The following HK1 variants were observed in gnomAD, a reference collection of about 807,000 sequenced individuals.
HK1 encodes the protein hexokinase-1.
In HK1, 28 loss-of-function variants were observed where a neutral mutation model predicts 91.6. The ratio of observed to expected loss-of-function variants is 0.31; its 90% CI spans 0.23 to 0.42. The LOEUF (loss-of-function observed/expected upper bound fraction) is 0.42. HK1 is among the 10% of genes least tolerant of loss of function. HK1 has a pLI of 1.00. For missense variants in HK1, 770 were observed against 1,219.8 expected (o/e 0.63, Z 5.49); for synonymous variants, 430 against 468.1 (o/e 0.92, Z 1.05).
chr10:69,378,359 A>G (rs1839221334), intron 8 of HK1, among the ~76,000 whole-genome samples: 5 of 152,072 alleles, frequency 3.3e-5, no homozygotes, highest in Admixed American at 3.3e-4. Flanking sequence ...TGTTAGAGGC[A>G]TTCTCTAAAA....
intron 2 of HK1, among the ~76,000 whole-genome samples, chr10:69,344,298 G>A (rs1019933156): frequency 6.6e-6 from 1 of 152,214 alleles, no homozygotes; most frequent in African/African-American, 2.4e-5. Flanking sequence ...ACTTTAGAAA[G>A]TGTAGTGTTT....
intron 2 of HK1, among the ~76,000 whole-genome samples, chr10:69,347,439 A>AT (rs556840743): frequency 0.15 from 20,558 of 140,288 alleles, 1,547 homozygotes; most frequent in South Asian, 0.25. Context: ...TAGGAGACAG[A>AT]TTTTTTTTTT....
At chr10:69,273,433 G>T (rs986413721) in intron 1 of HK1, among the ~76,000 whole-genome samples, 1 of 152,138 alleles carries the variant, frequency 6.6e-6, no homozygotes, top group Non-Finnish European at 1.5e-5. Flanking sequence ...AGCCAGGATG[G>T]TCTCCATCTC....
In HK1 at chr10:69,355,228, G is replaced by A. The variant is rs142794956; in HGVS notation, c.227-4669G>A. Among the ~76,000 whole-genome samples, 639 of 152,242 alleles carry A rather than the reference G, an allele frequency of 4.2e-3. 4 individuals are homozygous for A. Among genetic ancestry groups the A allele is most frequent in the Non-Finnish European group, 6.7e-3 (454 of 68,014 alleles). The stretch of plus-strand genomic sequence containing the variant: ...CATTGTAAGTTCCAGAAATATAGCA[G>A]TGTGTCAGGGCTTATAGCTTGGTAG... On this transcript the variant is annotated intron_variant, in intron 2 of 17. Transcript: ENST00000359426.
intron 5 of HK1, among the ~76,000 whole-genome samples, chr10:69,310,486 A>C (rs1328161481): frequency 6.6e-6 from 1 of 151,374 alleles, no homozygotes; most frequent in Non-Finnish European, 1.5e-5. Context: ...ATTTTTGTTT[A>C]TATGTTTAAC....
At chr10:69,373,070 T>C (rs1850100028) in intron 7 of HK1, among the ~76,000 whole-genome samples, 1 of 152,210 alleles carries the variant, frequency 6.6e-6, no homozygotes, top group Non-Finnish European at 1.5e-5. Context: ...GGTTTCACCA[T>C]GTTAGCCAGG....
At chr10:69,341,731 C>G (rs1156666588) in intron 1 of HK1, among the ~76,000 whole-genome samples, 1 of 152,018 alleles carries the variant, frequency 6.6e-6, no homozygotes, top group African/African-American at 2.4e-5. Context: ...TCTAGAATTA[C>G]AGGTGTCAGC....
intron 1 of HK1, among the ~76,000 whole-genome samples, chr10:69,324,211 A>AT (rs1025660834): frequency 2.4e-4 from 36 of 152,168 alleles, no homozygotes; most frequent in Non-Finnish European, 4.7e-4. Flanking sequence ...AAAATGTTTG[A>AT]TTTTTTTATT....
At chr10:69,318,838 G>T, upstream of HK1, 5 of 1,379,954 alleles carry the variant, frequency 3.6e-6, no homozygotes, top group Non-Finnish European at 4.7e-6. Context: ...GGAGCCGGGG[G>T]AGGAGGAGGA....
At chr10:69,317,597 G>T (rs773518154), upstream of HK1, among the ~76,000 whole-genome samples, 1 of 152,138 alleles carries the variant, frequency 6.6e-6, no homozygotes, top group Non-Finnish European at 1.5e-5. Flanking sequence ...CTTGGTTGCA[G>T]GAAAGTGACC....
chr10:69,305,520 TA>T (rs1361245307), intron 5 of HK1, among the ~76,000 whole-genome samples: 2 of 148,740 alleles, frequency 1.3e-5, no homozygotes, highest in Non-Finnish European at 3.0e-5. Context: ...GTGGGCTGTG[TA>T]AAACCAAAGA....
rs528380336 is a variant in HK1, at chr10:69,381,168, A to T, written c.1265+1073A>T. Among the ~76,000 whole-genome samples, 7 of 152,106 alleles carry T rather than the reference A, an allele frequency of 4.6e-5. No individual in the cohort carries two copies. The East Asian group carries it at 1.4e-3, about 29-fold the overall frequency. On this transcript the variant is annotated intron_variant, in intron 9 of 17. Coordinates refer to ENST00000359426, the MANE Select transcript of HK1 (RefSeq NM_000188.3). Reference sequence around the variant, plus strand: ...AGCTGGGTGTGGTGGTGTGCCTATAATCCCAGTTACTTGGGAGGCTGAGGT... The same window carrying T: ...AGCTGGGTGTGGTGGTGTGCCTATATTCCCAGTTACTTGGGAGGCTGAGGT...
chr10:69,286,758 G>A (rs551187287), intron 2 of HK1, among the ~76,000 whole-genome samples: 2 of 152,146 alleles, frequency 1.3e-5, no homozygotes, highest in East Asian at 1.9e-4. Context: ...TCGTTGGTCA[G>A]GCTGGTCTCG....
At chr10:69,379,769 T>C (rs1383185252) in intron 8 of HK1, 93 bp from the exon 9 acceptor site, 2 of 896,392 alleles carry the variant, frequency 2.2e-6, no homozygotes, top group Non-Finnish European at 1.9e-6. Flanking sequence ...ACATGGTAAG[T>C]GGGGCTGTCC....
At chr10:69,301,441 G>A (rs1845859450) in intron 5 of HK1, among the ~76,000 whole-genome samples, 1 of 148,306 alleles carries the variant, frequency 6.7e-6, no homozygotes, top group African/African-American at 2.5e-5. Context: ...AGTTGTGGTG[G>A]CACACACCTG....
At chr10:69,308,193 T>C (rs562682272) in intron 5 of HK1, among the ~76,000 whole-genome samples, 5 of 152,304 alleles carry the variant, frequency 3.3e-5, no homozygotes, top group African/African-American at 1.2e-4. Flanking sequence ...CACTAGGCAC[T>C]GGTTTTGTGG....
At chr10:69,281,742 T>C (rs2132429952) in intron 1 of HK1, among the ~76,000 whole-genome samples, 1 of 152,032 alleles carries the variant, frequency 6.6e-6, no homozygotes, top group South Asian at 2.1e-4. Context: ...TGGTGGTGAG[T>C]CACCCTTAGG....
In HK1 at chr10:69,319,218, A is replaced by T; in HGVS notation, c.63+208A>T. 3 of 655,862 alleles carry T rather than the reference A, an allele frequency of 4.6e-6. No individual in the cohort carries two copies. In the South Asian group the frequency reaches 5.4e-5, roughly 12 times the overall value. The allele number at this position is 655,862 out of a possible 1,614,324, so 40.6% of individuals were successfully genotyped here. On this transcript the variant is annotated intron_variant, in intron 1 of 17. Coordinates refer to ENST00000359426, the MANE Select transcript of HK1 (RefSeq NM_000188.3). ...TGTGTGCGTTTTTGGGAGGGGGGCA[A>T]TCGGGCGGAAGACCCCCGAGACCGG...
At chr10:69,374,125 A>G (rs1458630061) in intron 7 of HK1, among the ~76,000 whole-genome samples, 1 of 152,216 alleles carries the variant, frequency 6.6e-6, no homozygotes, top group African/African-American at 2.4e-5. Flanking sequence ...GTCAGCACCC[A>G]GATGCCTTTT....
Sources: gnomAD v4.1 joint callset for allele counts (sites outside exome capture counted in the v4.1 genomes callset) on GRCh38, gnomAD v4.1.1 for gene constraint, MANE v1.5 for transcripts, NCBI Gene and HGNC (gene_info 2026-07-23, HGNC 2026-07-21) for gene names.